The following MAPKAPK3 variants were observed in gnomAD, a reference collection of about 807,000 sequenced individuals.
MAPKAPK3 encodes the protein MAPK activated protein kinase 3.
MAPKAPK3 carries 35 observed loss-of-function variants against 49.2 expected under a neutral mutation model. The ratio of observed to expected loss-of-function variants is 0.71; its 90% CI spans 0.54 to 0.94. The LOEUF (loss-of-function observed/expected upper bound fraction) is 0.94. MAPKAPK3 is among the 40% of genes least tolerant of loss of function. The pLI is 0.00. For missense variants in MAPKAPK3, 398 were observed against 493.1 expected (o/e 0.81, Z 1.83); for synonymous variants, 178 against 188.7 (o/e 0.94, Z 0.46).
intron 2 of MAPKAPK3, among the ~76,000 whole-genome samples, chr3:50,619,988 T>G (rs1167672200): frequency 6.6e-6 from 1 of 152,114 alleles, no homozygotes; most frequent in Non-Finnish European, 1.5e-5. Flanking sequence ...AAATTGGCCC[T>G]CAAAGGGGAC....
At chr3:50,639,014 C>T (rs2033108979) in intron 2 of MAPKAPK3, among the ~76,000 whole-genome samples, 1 of 152,220 alleles carries the variant, frequency 6.6e-6, no homozygotes, top group Non-Finnish European at 1.5e-5. Flanking sequence ...GCCATCTCCT[C>T]ATGCATGCTG....
intron 2 of MAPKAPK3, among the ~76,000 whole-genome samples, chr3:50,628,641 C>G (rs994469405): frequency 2.0e-5 from 3 of 152,150 alleles, no homozygotes; most frequent in African/African-American, 7.2e-5. Flanking sequence ...CTGTGGCCTC[C>G]CCCGGCCCTC....
chr3:50,617,396 C>G lies in MAPKAPK3; in HGVS notation c.-52-118C>G, dbSNP rs2032495428. 3.8e-5 allele frequency: 22 copies of G among 580,760 alleles called. No homozygotes were observed. The South Asian group carries it at 4.8e-4, about 13-fold the overall frequency. 36.0% of individuals were successfully genotyped at this position (580,760 alleles called of 1,614,324 possible). ...CTTGCTGCACGTCTGTACTCTCAGG[C>G]CGTTCGTCCCGCACTCCCAGCTTGC... is the stretch of plus-strand genomic sequence containing the variant. On this transcript the variant is annotated intron_variant, in intron 1 of 10. Coordinates refer to ENST00000621469, the MANE Select transcript of MAPKAPK3 (RefSeq NM_001243925.2).
intron 5 of MAPKAPK3, among the ~76,000 whole-genome samples, chr3:50,643,825 G>T (rs2033229375): frequency 6.6e-6 from 1 of 151,740 alleles, no homozygotes; most frequent in Non-Finnish European, 1.5e-5. Flanking sequence ...CCTCTCCATG[G>T]GCCTACATCC....
chr3:50,627,463 G>T (rs1275650627), intron 2 of MAPKAPK3, among the ~76,000 whole-genome samples: 1 of 152,180 alleles, frequency 6.6e-6, no homozygotes. Flanking sequence ...ACCAGCAAGG[G>T]CTATATTCTG....
chr3:50,628,292 G>T (rs987312700), intron 2 of MAPKAPK3, among the ~76,000 whole-genome samples: 1 of 152,172 alleles, frequency 6.6e-6, no homozygotes, highest in African/African-American at 2.4e-5. Context: ...ATGGCCCTTT[G>T]TTACCCTGTG....
At chr3:50,645,832 C>G in intron 7 of MAPKAPK3, 47 bp downstream of exon 7, 7 of 1,568,834 alleles carry the variant, frequency 4.5e-6, no homozygotes, top group Non-Finnish European at 6.1e-6. Flanking sequence ...CCCTTACCCC[C>G]ACTGTGAGCC....
At chr3:50,646,389 G>A in intron 8 of MAPKAPK3, 125 bp downstream of exon 8, 1 of 1,353,636 alleles carries the variant, frequency 7.4e-7, no homozygotes. Context: ...CCAGCTATGG[G>A]ACCCTAGGCA....
chr3:50,611,592 C>T (rs1352361549), upstream of MAPKAPK3: 7 of 1,522,694 alleles, frequency 4.6e-6, no homozygotes, highest in Admixed American at 1.2e-4. Flanking sequence ...CCGTGCGCCC[C>T]TCGTGGTGGC....
Position 50,641,704 on chromosome 3 carries a change from C to T in MAPKAPK3, c.360-3C>T. On this transcript the variant is annotated splice_region_variant and splice_polypyrimidine_tract_variant and intron_variant, in intron 3 of 10. Transcript: ENST00000621469. ...TCTCTGCTTATAGTCACCTCTTTTA[C>T]AGCATGGAAGGTGGTGAGTTGTTCA... 1 of 1,613,650 alleles carries T rather than the reference C, an allele frequency of 6.2e-7. No individual in the cohort carries two copies. The highest frequency in any genetic ancestry group is 8.5e-7 in the Non-Finnish European group (1 of 1,179,542).
chr3:50,647,232 C>CAGGTGCCAGGATTTGGGCAAA, intron 10 of MAPKAPK3, 29 bp downstream of exon 10: 1 of 1,553,114 alleles, frequency 6.4e-7, no homozygotes, highest in South Asian at 1.2e-5. Context: ...AGTCTCAATA[C>CAGGTGCCAGGATTTGGGCAAA]AGGTGCCAGG....
Position 50,645,803 on chromosome 3 carries a change from C to A in MAPKAPK3, c.704+18C>A. On this transcript the variant is annotated intron_variant, in intron 7 of 10. Transcript: ENST00000621469. ...TACATCCTGTGAGTACCTTCCCCAC[C>A]CCCTGCCTCCATCTCCTGCCCTTAC... The A allele has an allele frequency of 1.2e-6, 2 of 1,611,746 alleles. No homozygotes were observed. Among genetic ancestry groups the A allele is most frequent in the Non-Finnish European group, 1.7e-6 (2 of 1,177,974 alleles).
chr3:50,617,646 T>G lies in MAPKAPK3; in HGVS notation c.81T>G (p.Ala27=), dbSNP rs2032504737. 1.2e-6 allele frequency: 2 copies of G among 1,609,422 alleles called. No homozygotes were observed. The highest frequency in any genetic ancestry group is 1.7e-5 in the Admixed American group (1 of 59,996). The change falls in exon 2 of 11, where the codon GCT becomes GCG. Residue 27 remains alanine (A), a synonymous_variant. Coordinates refer to ENST00000621469, the MANE Select transcript of MAPKAPK3 (RefSeq NM_001243925.2). The stretch of plus-strand genomic sequence containing the variant: ...CCGGCGGACCCGGCTTGGGCGGTGC[T>G]CCGGGGGGGCGGCGGGAGCCCAAGA... ...VAPGGPGLGG[A]PGGRREPKKY... is the part of the protein sequence containing the mutation.
chr3:50,630,458 T>C (rs1467969188), intron 2 of MAPKAPK3, among the ~76,000 whole-genome samples: 1 of 152,228 alleles, frequency 6.6e-6, no homozygotes, highest in African/African-American at 2.4e-5. Context: ...ACCCAGAGAA[T>C]CCACAAAGCC....
Position 50,617,685 on chromosome 3 carries a change from C to A in MAPKAPK3, c.120C>A (p.Thr40=), listed in dbSNP as rs768388741. ...GRREPKKYAV[T]DDYQLSKQVL... is the part of the protein sequence containing the mutation. ...GGGAGCCCAAGAAGTACGCAGTGAC[C>A]GACGACTACCAGTTGTCCAAGCAGG... Residue 40 remains threonine, a synonymous_variant, in exon 2 of 11, where the codon ACC becomes ACA. Transcript: ENST00000621469. The A allele has an allele frequency of 1.2e-6, 2 of 1,613,368 alleles. No individual in the cohort carries two copies. The highest frequency in any genetic ancestry group is 1.7e-6 in the Non-Finnish European group (2 of 1,179,804).
intron 2 of MAPKAPK3, among the ~76,000 whole-genome samples, chr3:50,638,113 G>A (rs1559488086): frequency 6.6e-6 from 1 of 152,152 alleles, no homozygotes; most frequent in Non-Finnish European, 1.5e-5. Context: ...TAAGAGAGAA[G>A]AGGAGGACTC....
In MAPKAPK3 at chr3:50,644,449, T is replaced by A; in HGVS notation, c.545T>A (p.Val182Glu). Residue 182 changes from valine to glutamate, a missense_variant, in exon 6 of 11, where the codon GTG (valine) becomes GAG (glutamate). Val to Glu is a moderately radical substitution (Grantham distance 121). Coordinates refer to ENST00000621469, the MANE Select transcript of MAPKAPK3 (RefSeq NM_001243925.2). ...LLYTSKEKDA[V>E]LKLTDFGFAK... is the part of the protein sequence containing the mutation. ...TACACATCTAAGGAGAAAGACGCAG[T>A]GCTTAAGCTCACCGATTTTGGCTTT... 1 of 1,614,222 alleles carries A rather than the reference T, an allele frequency of 6.2e-7. No homozygotes were observed. The highest frequency in any genetic ancestry group is 8.5e-7 in the Non-Finnish European group (1 of 1,180,034).
chr3:50,640,570 C>T (rs608961), intron 3 of MAPKAPK3, 65 bp downstream of exon 3: 1,520,572 of 1,526,546 alleles, frequency 1, 757,513 homozygotes, highest in East Asian at 1. Context: ...CTCCCTGCCA[C>T]GCTTCTAGGG....
Position 50,644,347 on chromosome 3 carries a change from C to T in MAPKAPK3, c.505-62C>T. 1.9e-6 allele frequency: 3 copies of T among 1,600,328 alleles called. No homozygotes were observed. The South Asian group carries it at 3.3e-5, about 18-fold the overall frequency. On this transcript the variant is annotated intron_variant, in intron 5 of 10. Transcript: ENST00000621469. ...GTCGGGGAGTCTGGCTGAAGATCAC[C>T]TTGGGGCTCTGCTCCTGCCTGGTTC...
Sources: allele counts gnomAD v4.1 joint callset (sites outside exome capture counted in the v4.1 genomes callset), GRCh38; gene constraint gnomAD v4.1.1; transcripts MANE v1.5; gene names NCBI Gene and HGNC (gene_info 2026-07-23, HGNC 2026-07-21).